LGALS9B: variants seen among roughly 807,000 people sequenced by gnomAD.
LGALS9B encodes the protein galectin-9B.
A neutral mutation model predicts 35.9 loss-of-function variants in LGALS9B; 8 were observed. The ratio of observed to expected loss-of-function variants is 0.22; its 90% CI spans 0.13 to 0.40. The LOEUF (loss-of-function observed/expected upper bound fraction) is 0.40. LGALS9B is among the 10% of genes least tolerant of loss of function. The pLI is 1.00. For missense variants in LGALS9B, 101 were observed against 397.9 expected, an observed-to-expected ratio of 0.25 and a Z score of 6.35; for synonymous variants, 42 against 148.6, an observed-to-expected ratio of 0.28 and a Z score of 5.22.
chr17:20,455,792 A>G (rs934565348), intron 4 of LGALS9B, among the ~76,000 whole-genome samples: 2 of 150,424 alleles, frequency 1.3e-5, no homozygotes, highest in African/African-American at 2.4e-5. Context: ...TGGGCCCAGC[A>G]TACCCTAATC....
intron 8 of LGALS9B, chr17:20,452,095 A>C: frequency 1.9e-6 from 1 of 524,436 alleles, no homozygotes; most frequent in East Asian, 2.9e-5. Context: ...AATTTGGCCA[A>C]ACACAGAAAG....
intron 1 of LGALS9B, among the ~76,000 whole-genome samples, chr17:20,461,459 T>G (rs1339013938): frequency 6.6e-6 from 1 of 152,012 alleles, no homozygotes; most frequent in African/African-American, 2.4e-5. Context: ...CTTCAAAGTT[T>G]ATTCCGAAAT....
Position 20,451,538 on chromosome 17 carries a change from C to A in LGALS9B, c.867G>T (p.Gly289=), listed in dbSNP as rs2042648839. The part of the protein sequence containing the change: ...VRNTQINNSW[G]SEERSLPRKM... ...TTCGGGGCAGACTTCGCTCCTCAGA[C>A]CCCCAAGAGTTGTTGATCTGGGTGT... The change falls in exon 10 of 11, where the codon GGG becomes GGT. Residue 289 remains glycine, a synonymous_variant. Transcript: ENST00000423676. The A allele has an allele frequency of 3.2e-6, 5 of 1,575,802 alleles. No individual in the cohort carries two copies. The highest frequency in any genetic ancestry group is 2.3e-5 in the East Asian group (1 of 44,428).
chr17:20,451,005 G>A (rs2042643615), intron 10 of LGALS9B, among the ~76,000 whole-genome samples: 1 of 151,396 alleles, frequency 6.6e-6, no homozygotes, highest in African/African-American at 2.4e-5. Context: ...GCGTGGCACT[G>A]TTGTTATCTG....
rs1216164254 is a variant in LGALS9B, at chr17:20,461,762, C to G, written c.40-1319G>C. Among the ~76,000 whole-genome samples the G allele has an allele frequency of 1.6e-4, 12 of 76,590 alleles. 4 individuals carry two copies. Among genetic ancestry groups the G allele is most frequent in the Non-Finnish European group, 1.6e-4 (6 of 37,068 alleles). The allele number at this position is 76,590 out of a possible 152,430, so 50.2% of individuals were successfully genotyped here. On this transcript the variant is annotated intron_variant, in intron 1 of 10. Transcript: ENST00000423676. Reference sequence around the variant, plus strand: ...CTGGGCTTAGTATTGGCAGAACTTCCAAATTTTTAAGATGAGACAGAAACC... The same window carrying G: ...CTGGGCTTAGTATTGGCAGAACTTCGAAATTTTTAAGATGAGACAGAAACC...
In LGALS9B at chr17:20,466,440, C is replaced by T. The variant is rs535838165; in HGVS notation, c.39+992G>A. Among the ~76,000 whole-genome samples the T allele has an allele frequency of 8.7e-5, 13 of 149,600 alleles. No homozygotes were observed. The South Asian group carries it at 2.5e-3, about 29-fold the overall frequency. On this transcript the variant is annotated intron_variant, in intron 1 of 10. Coordinates refer to ENST00000423676, the MANE Select transcript of LGALS9B (RefSeq NM_001367292.2). ...CAGCTTCCCTGCCCTCAGCACCCTG[C>T]CTCTGCCCACCCTCCCCATTCTGTC...
At chr17:20,456,754 A>G in intron 3 of LGALS9B, 83 bp from the exon 4 acceptor site, 1 of 177,690 alleles carries the variant, frequency 5.6e-6, no homozygotes, top group Admixed American at 1.2e-4. Flanking sequence ...CCCTCCTTCT[A>G]AAAAATGAAG....
chr17:20,458,473 T>C, intron 2 of LGALS9B, 89 bp from the exon 3 acceptor site: 1 of 1,449,260 alleles, frequency 6.9e-7, no homozygotes, highest in Non-Finnish European at 9.6e-7. Flanking sequence ...TGCCCTGTGT[T>C]TGTCTGGGAT....
chr17:20,455,765 G>A (rs1477781461), intron 4 of LGALS9B, among the ~76,000 whole-genome samples: 9 of 150,896 alleles, frequency 6.0e-5, no homozygotes, highest in Admixed American at 3.3e-4. Flanking sequence ...TCCAGCTGCC[G>A]GTGCCCTGTG....
At chr17:20,461,449 C>T (rs377003890) in intron 1 of LGALS9B, among the ~76,000 whole-genome samples, 84 of 148,176 alleles carry the variant, frequency 5.7e-4, no homozygotes, top group South Asian at 2.0e-3. Context: ...TACTTCCAAT[C>T]TTCAAAGTTT....
rs2042652430 is a variant in LGALS9B at position 20,451,890 on chromosome 17, G to A, written c.673-7C>T. ...TGGTGATGAAAGGCATCGGCTGTCA[G>A]AAGGACGGGGACAGGTCAGCCAGTG... On this transcript the variant is annotated splice_polypyrimidine_tract_variant and splice_region_variant and intron_variant, in intron 8 of 10. Coordinates refer to ENST00000423676, the MANE Select transcript of LGALS9B (RefSeq NM_001367292.2). The A allele has an allele frequency of 1.4e-6, 2 of 1,382,022 alleles. No homozygotes were observed. The highest frequency in any genetic ancestry group is 2.0e-6 in the Non-Finnish European group (2 of 989,976). The allele number at this position is 1,382,022 out of a possible 1,614,324, so 85.6% of individuals were successfully genotyped here. A position where few individuals can be genotyped will look rare whatever the true frequency, so the allele number is the denominator to read the frequency against.
chr17:20,465,813 C>T (rs1218916614), intron 1 of LGALS9B, among the ~76,000 whole-genome samples: 7 of 146,138 alleles, frequency 4.8e-5, no homozygotes, highest in East Asian at 2.0e-4. Flanking sequence ...CCCCCACTGT[C>T]GGCATGTGGA....
chr17:20,466,036 T>C (rs1238443494), intron 1 of LGALS9B, among the ~76,000 whole-genome samples: 1 of 151,380 alleles, frequency 6.6e-6, no homozygotes, highest in Non-Finnish European at 1.5e-5. Flanking sequence ...GATTAGAAAG[T>C]AAAAACCAGT....
At chr17:20,454,480 G>A (rs2042671708) in intron 5 of LGALS9B, among the ~76,000 whole-genome samples, 1 of 152,148 alleles carries the variant, frequency 6.6e-6, no homozygotes, top group Non-Finnish European at 1.5e-5. Flanking sequence ...GCCAGGCACT[G>A]TGCAAATGAA....
Position 20,450,185 on chromosome 17 carries a change from TCTCC to T in LGALS9B, c.925-70_925-67del, listed in dbSNP as rs1335894866. Reference sequence around the variant, plus strand: ...CCTCCACCCTCACTGCAGCCTCCTCTCTCCCTCCCTCCCTCCCTCCTCAGTTGTT... The same window carrying T: ...CCTCCACCCTCACTGCAGCCTCCTCTCTCCCTCCCTCCCTCCTCAGTTGTT... On this transcript the variant is annotated intron_variant, in intron 10 of 10. Coordinates refer to ENST00000423676, the MANE Select transcript of LGALS9B (RefSeq NM_001367292.2). 1.6e-3 allele frequency: 771 copies of T among 485,502 alleles called. 13 individuals carry two copies. Among genetic ancestry groups the T allele is most frequent in the African/African-American group, 0.011 (450 of 42,144 alleles). The allele number at this position is 485,502 out of a possible 1,614,324, so 30.1% of individuals were successfully genotyped here. A position where few individuals can be genotyped will look rare whatever the true frequency, so the allele number is the denominator to read the frequency against.
intron 2 of LGALS9B, 63 bp downstream of exon 2, chr17:20,460,289 A>C: frequency 6.2e-7 from 1 of 1,610,276 alleles, no homozygotes; most frequent in South Asian, 1.1e-5. Flanking sequence ...CGAGGCTCAC[A>C]GGCACAGTGG....
Position 20,453,222 on chromosome 17 carries a change from G to C in LGALS9B, c.577-155C>G. 9 of 863,494 alleles carry C rather than the reference G, an allele frequency of 1.0e-5. 2 individuals carry two copies. The highest frequency in any genetic ancestry group is 1.6e-5 in the Non-Finnish European group (9 of 545,866). 53.5% of individuals were successfully genotyped at this position (863,494 alleles called of 1,614,324 possible). ...GAGGGTGGGTCCAGGGGACGAGGGA[G>C]AGGCAAAGGTTAGAACCCTGGAGAA... is the stretch of plus-strand genomic sequence containing the variant. On this transcript the variant is annotated intron_variant, in intron 6 of 10. Coordinates refer to ENST00000423676, the MANE Select transcript of LGALS9B (RefSeq NM_001367292.2).
intron 6 of LGALS9B, chr17:20,453,331 GAA>G (rs1415018627): frequency 4.5e-6 from 2 of 441,708 alleles, no homozygotes; most frequent in African/African-American, 4.0e-5. Context: ...GCAGGTGAGA[GAA>G]GTGAACGTGG....
chr17:20,451,658 C>T lies in LGALS9B; in HGVS notation c.762-15G>A. The T allele has an allele frequency of 1.3e-6, 2 of 1,596,108 alleles. No homozygotes were observed. Among genetic ancestry groups the T allele is most frequent in the East Asian group, 2.2e-5 (1 of 44,718 alleles). On this transcript the variant is annotated splice_polypyrimidine_tract_variant and intron_variant, in intron 9 of 10. Coordinates refer to ENST00000423676, the MANE Select transcript of LGALS9B (RefSeq NM_001367292.2). ...TGATGTGGAACCTGCGGTGGGCAGC[C>T]TACCTGGACCTTTGTCCACTGAGTT... is the stretch of plus-strand genomic sequence containing the variant.
Sources: gnomAD v4.1 joint callset for allele counts (sites outside exome capture counted in the v4.1 genomes callset) on GRCh38, gnomAD v4.1.1 for gene constraint, MANE v1.5 for transcripts, NCBI Gene and HGNC (gene_info 2026-07-23, HGNC 2026-07-21) for gene names.